The following KATNBL1 variants were observed in gnomAD, a reference collection of about 807,000 sequenced individuals.
KATNBL1 encodes KATNB1-like protein 1.
In KATNBL1, 28 loss-of-function variants were observed where a neutral mutation model predicts 44.7. The observed-to-expected ratio is 0.63, with a 90% CI of 0.46 to 0.86. KATNBL1 has a LOEUF of 0.86. Ranked by LOEUF, KATNBL1 falls within the 40% of genes least tolerant of loss-of-function variation. The pLI is 0.00. For synonymous variants in KATNBL1, 78 were observed against 114.9 expected (o/e 0.68, Z 2.06); for missense variants, 272 against 350.7 (o/e 0.78, Z 1.79).
At chr15:34,161,677 G>A (rs959761545) in intron 2 of KATNBL1, among the ~76,000 whole-genome samples, 5 of 152,150 alleles carry the variant, frequency 3.3e-5, no homozygotes, top group Non-Finnish European at 7.3e-5. Flanking sequence ...AATTCTGATA[G>A]GCTATTTTAA....
chr15:34,151,837 G>A (rs771297190), intron 4 of KATNBL1, among the ~76,000 whole-genome samples: 16 of 152,140 alleles, frequency 1.1e-4, no homozygotes, highest in African/African-American at 3.6e-4. Flanking sequence ...TTTTGCTTGA[G>A]CCAGAAGAGC....
chr15:34,179,532 A>ATAGG (rs1889455624), intron 1 of KATNBL1, among the ~76,000 whole-genome samples: 1 of 152,154 alleles, frequency 6.6e-6, no homozygotes, highest in Non-Finnish European at 1.5e-5. Context: ...ATAAAGTCTC[A>ATAGG]TAGGTTGCCC....
intron 1 of KATNBL1, among the ~76,000 whole-genome samples, chr15:34,202,570 A>T (rs1205515767): frequency 6.6e-6 from 1 of 152,250 alleles, no homozygotes; most frequent in Non-Finnish European, 1.5e-5. Flanking sequence ...TTAAGGTTTG[A>T]AAATGCCTCC....
chr15:34,155,575 C>T (rs1888613520), intron 2 of KATNBL1, among the ~76,000 whole-genome samples: 1 of 152,120 alleles, frequency 6.6e-6, no homozygotes, highest in Non-Finnish European at 1.5e-5. Context: ...AGCAGTTAGA[C>T]CTTGCAATGC....
intron 1 of KATNBL1, among the ~76,000 whole-genome samples, chr15:34,199,314 C>T (rs184592577): frequency 3.7e-4 from 56 of 152,112 alleles, no homozygotes; most frequent in African/African-American, 1.3e-3. Flanking sequence ...GCATGAGCCT[C>T]GAGTCCCAGC....
In KATNBL1 at chr15:34,153,487, G is replaced by C. The variant is rs936265048; in HGVS notation, c.159-418C>G. Among the ~76,000 whole-genome samples the C allele has an allele frequency of 1.1e-4, 16 of 152,276 alleles. 1 individual carries two copies. The highest frequency in any genetic ancestry group is 3.8e-4 in the African/African-American group (16 of 41,560). ...GATTTATTTGAGTAAGAACACGATA[G>C]AGCAAGCCTCATCGTTTAATACAGT... On this transcript the variant is annotated intron_variant, in intron 3 of 9. Transcript: ENST00000256544.
chr15:34,192,381 G>A (rs1471079216), intron 1 of KATNBL1, among the ~76,000 whole-genome samples: 1 of 148,246 alleles, frequency 6.7e-6, no homozygotes, highest in East Asian at 2.0e-4. Context: ...TCAAGCCTGG[G>A]CGACAGAGTG....
At position 34,142,071 on chromosome 15, in the gene KATNBL1, C is replaced by G; in HGVS notation, c.*268G>C. Reference sequence around the variant, plus strand: ...TTAATGTTACCAAATAACCATATAACTCCCAAATGCAGCAAAGGTGAACAA... The same window carrying G: ...TTAATGTTACCAAATAACCATATAAGTCCCAAATGCAGCAAAGGTGAACAA... On this transcript the variant is annotated 3_prime_UTR_variant, in exon 10 of 10. Transcript: ENST00000256544. The G allele has an allele frequency of 3.4e-6, 1 of 291,282 alleles. No homozygotes were observed. Among genetic ancestry groups the G allele is most frequent in the East Asian group, 5.8e-5 (1 of 17,206 alleles). The allele number at this position is 291,282 out of a possible 1,614,324, so 18.0% of individuals were successfully genotyped here. A position where few individuals can be genotyped will look rare whatever the true frequency, so the allele number is the denominator to read the frequency against.
At chr15:34,208,997 T>C (rs977905579) in intron 1 of KATNBL1, 2 of 152,202 alleles carry the variant, frequency 1.3e-5, no homozygotes, top group Admixed American at 6.5e-5. Context: ...GGGACAACAG[T>C]ATATATCCCA....
In KATNBL1 at chr15:34,154,749, C is replaced by T. The variant is rs1888586207; in HGVS notation, c.118-65G>A. On this transcript the variant is annotated intron_variant, in intron 2 of 9. Coordinates refer to ENST00000256544, the MANE Select transcript of KATNBL1 (RefSeq NM_024713.3). Reference sequence around the variant, plus strand: ...GCTTGGTGCCGCAAAGAAGAATCAGCACTCCGGCAAAAAGCTTTCTCAGCA... The same window carrying T: ...GCTTGGTGCCGCAAAGAAGAATCAGTACTCCGGCAAAAAGCTTTCTCAGCA... 3 of 1,095,056 alleles carry T rather than the reference C, an allele frequency of 2.7e-6. No homozygotes were observed. In the Admixed American group the frequency reaches 5.7e-5, roughly 21 times the overall value. 67.8% of individuals were successfully genotyped at this position (1,095,056 alleles called of 1,614,324 possible).
intron 1 of KATNBL1, among the ~76,000 whole-genome samples, chr15:34,191,094 C>T (rs913346622): frequency 8.0e-5 from 12 of 150,576 alleles, no homozygotes; most frequent in African/African-American, 2.7e-4. Flanking sequence ...TCCCCAACCA[C>T]TTGAATGTAT....
intron 1 of KATNBL1, among the ~76,000 whole-genome samples, chr15:34,202,268 A>T (rs559188577): frequency 6.6e-6 from 1 of 152,340 alleles, no homozygotes; most frequent in African/African-American, 2.4e-5. Context: ...AATATAAATT[A>T]ATTAAAAAAC....
At chr15:34,202,441 T>G (rs1890195629) in intron 1 of KATNBL1, among the ~76,000 whole-genome samples, 1 of 127,480 alleles carries the variant, frequency 7.8e-6, no homozygotes, top group South Asian at 2.6e-4. Context: ...TTCAAAATCT[T>G]TTTATAACAA....
At chr15:34,154,610 T>C in intron 3 of KATNBL1, 34 bp downstream of exon 3, 1 of 1,384,656 alleles carries the variant, frequency 7.2e-7, no homozygotes, top group African/African-American at 1.4e-5. Flanking sequence ...CTTTCATATT[T>C]GTTGTTCCCC....
At chr15:34,144,068 C>A (rs1888238091) in intron 9 of KATNBL1, among the ~76,000 whole-genome samples, 1 of 122,818 alleles carries the variant, frequency 8.1e-6, no homozygotes, top group Non-Finnish European at 1.7e-5. Context: ...TTGAAGGTAT[C>A]TGAGAAATTT....
chr15:34,147,078 T>C, intron 7 of KATNBL1, 122 bp downstream of exon 7: 1 of 666,628 alleles, frequency 1.5e-6, no homozygotes, highest in Non-Finnish European at 2.6e-6. Flanking sequence ...AATTGTACTA[T>C]TAGCTTCTTG....
intron 8 of KATNBL1, chr15:34,146,473 C>T: frequency 3.7e-6 from 1 of 267,786 alleles, no homozygotes; most frequent in Non-Finnish European, 7.1e-6. Context: ...TCTTTTTCCT[C>T]CCTTACTCAT....
At chr15:34,160,468 T>G (rs768724437) in intron 2 of KATNBL1, among the ~76,000 whole-genome samples, 1 of 152,232 alleles carries the variant, frequency 6.6e-6, no homozygotes. Flanking sequence ...ACATCCTTCA[T>G]CTGGGGGGGT....
intron 1 of KATNBL1, among the ~76,000 whole-genome samples, chr15:34,167,025 A>G (rs1464117997): frequency 6.6e-6 from 1 of 152,246 alleles, no homozygotes; most frequent in Admixed American, 6.5e-5. Context: ...TCAAAAAATC[A>G]GAACACCTCT....
Sources: allele counts gnomAD v4.1 joint callset (sites outside exome capture counted in the v4.1 genomes callset), GRCh38; gene constraint gnomAD v4.1.1; transcripts MANE v1.5; gene names NCBI Gene and HGNC (gene_info 2026-07-23, HGNC 2026-07-21).